Variants in MARCHF7 observed in about 807,000 individuals in gnomAD.
MARCHF7 encodes membrane associated ring-CH-type finger 7, also known as E3 ubiquitin-protein ligase MARCHF7.
MARCHF7 carries 20 observed loss-of-function variants against 76.5 expected under a neutral mutation model. The observed-to-expected ratio is 0.26, with a 90% CI of 0.18 to 0.38. MARCHF7 has a LOEUF of 0.38. Ranked by LOEUF, MARCHF7 falls within the 10% of genes least tolerant of loss-of-function variation. The probability of loss-of-function intolerance (pLI) is 1.00; values close to 1 mark genes in which losing one functional copy is unlikely to be tolerated. For synonymous variants in MARCHF7, 295 were observed against 293.0 expected, an observed-to-expected ratio of 1.01 and a Z score of -0.07; for missense variants, 797 against 812.9, an observed-to-expected ratio of 0.98 and a Z score of 0.24.
At chr2:159,763,093 G>A in intron 10 of MARCHF7, 100 bp downstream of exon 10, 1 of 574,356 alleles carries the variant, frequency 1.7e-6, no homozygotes, top group Non-Finnish European at 2.9e-6. Flanking sequence ...TTTCCTTTGG[G>A]AAGCTTTTAT....
At chr2:159,733,584 A>G (rs1703084766) in intron 4 of MARCHF7, 1 of 985,064 alleles carries the variant, frequency 1.0e-6, no homozygotes, top group African/African-American at 1.7e-5. Flanking sequence ...AGGCTTTTTA[A>G]CTCACAACTC....
chr2:159,722,841 A>G (rs913456663), intron 3 of MARCHF7, among the ~76,000 whole-genome samples: 13 of 152,164 alleles, frequency 8.5e-5, no homozygotes, highest in Non-Finnish European at 1.6e-4. Context: ...ACAATATCAA[A>G]TTATCTCTCT....
intron 9 of MARCHF7, among the ~76,000 whole-genome samples, chr2:159,759,767 A>T (rs1262644350): frequency 1.3e-5 from 2 of 152,138 alleles, no homozygotes; most frequent in African/African-American, 4.8e-5. Flanking sequence ...AAACAAACAA[A>T]GATATGCTGT....
At chr2:159,720,038 A>G (rs988859439) in intron 3 of MARCHF7, among the ~76,000 whole-genome samples, 3 of 151,866 alleles carry the variant, frequency 2.0e-5, no homozygotes, top group Non-Finnish European at 2.9e-5. Context: ...TCCCCCCTCC[A>G]GCCCCAAGAT....
chr2:159,763,782 G>T (rs570675717), intron 10 of MARCHF7, among the ~76,000 whole-genome samples: 9 of 152,240 alleles, frequency 5.9e-5, no homozygotes, highest in African/African-American at 2.2e-4. Context: ...GCAATTCAAT[G>T]TATGTAATAC....
At chr2:159,755,611 G>A (rs1170243183) in intron 8 of MARCHF7, among the ~76,000 whole-genome samples, 1 of 152,132 alleles carries the variant, frequency 6.6e-6, no homozygotes, top group East Asian at 1.9e-4. Flanking sequence ...AAAGTAAAGA[G>A]ATAGTTCAAA....
chr2:159,759,532 T>G (rs1706753410), intron 9 of MARCHF7, among the ~76,000 whole-genome samples, 197 bp downstream of exon 9: 1 of 152,118 alleles, frequency 6.6e-6, no homozygotes, highest in African/African-American at 2.4e-5. Flanking sequence ...TCCCTTAAGC[T>G]TAGGAAAGTT....
In MARCHF7 at chr2:159,745,762, A is replaced by T. The variant is rs200288589; in HGVS notation, c.347-8A>T. 2 of 1,584,534 alleles carry T rather than the reference A, an allele frequency of 1.3e-6. No individual in the cohort carries two copies. Among genetic ancestry groups the T allele is most frequent in the East Asian group, 2.3e-5 (1 of 44,136 alleles). On this transcript the variant is annotated splice_region_variant and splice_polypyrimidine_tract_variant and intron_variant, in intron 5 of 11. Coordinates refer to ENST00000409175, the MANE Select transcript of MARCHF7 (RefSeq NM_001282805.2). The stretch of plus-strand genomic sequence containing the variant: ...TCTCTGAAATAAAACTTCTTCATTT[A>T]TTTTAAGATTCATCTTGGAGGCATA...
Position 159,768,706 on chromosome 2 carries a change from T to G in MARCHF7, c.*1364T>G, listed in dbSNP as rs1308022091. ...AAATGTTCTAAAACATTTGCTCACC[T>G]CTTGCCAGTTACCTTTGCATTGTCT... On this transcript the variant is annotated 3_prime_UTR_variant, in exon 12 of 12. Transcript: ENST00000409175. The G allele has an allele frequency of 6.6e-6, 1 of 152,586 alleles. No individual in the cohort carries two copies. Among genetic ancestry groups the G allele is most frequent in the Non-Finnish European group, 1.5e-5 (1 of 68,022 alleles). The allele number at this position is 152,586 out of a possible 1,614,324, so 9.5% of individuals were successfully genotyped here.
chr2:159,764,718 G>A (rs1222296513), intron 11 of MARCHF7, 44 bp downstream of exon 11: 2 of 1,534,644 alleles, frequency 1.3e-6, no homozygotes, highest in African/African-American at 2.8e-5. Context: ...ATTTACTTTT[G>A]CAAATTAAAC....
Position 159,762,977 on chromosome 2 carries a change from C to G in MARCHF7, c.1991C>G (p.Pro664Arg). The G allele has an allele frequency of 1.9e-6, 3 of 1,610,818 alleles. No homozygotes were observed. Among genetic ancestry groups the G allele is most frequent in the Non-Finnish European group, 2.5e-6 (3 of 1,178,476 alleles). ...FSDMMGNTNE[P>R]STRVRFINLA... ...GATATGATGGGAAATACAAATGAACCAAGCACACGTGTCCGAGTAAGTAAT... is the reference window on the plus strand; with the variant it reads ...GATATGATGGGAAATACAAATGAACGAAGCACACGTGTCCGAGTAAGTAAT... The change falls in exon 10 of 12, where the codon CCA becomes CGA. Residue 664 changes from proline (P) to arginine (R), a missense_variant. Physicochemically the swap from Pro to Arg is moderately radical, Grantham distance 103. This residue lies in a region of MARCHF7 where 124 missense variants were observed against 121.3 expected (regional missense o/e 1.02). Transcript: ENST00000409175.
chr2:159,741,839 A>T (rs893296804), intron 4 of MARCHF7, among the ~76,000 whole-genome samples: 3 of 152,180 alleles, frequency 2.0e-5, no homozygotes, highest in Non-Finnish European at 2.9e-5. Flanking sequence ...TTTATTTTAG[A>T]GGTCCTTACT....
intron 1 of MARCHF7, among the ~76,000 whole-genome samples, chr2:159,713,031 C>G (rs914471206): frequency 2.0e-5 from 3 of 152,222 alleles, no homozygotes; most frequent in Non-Finnish European, 4.4e-5. Flanking sequence ...CGCGCGTGAG[C>G]TCGCCGGTGA....
intron 7 of MARCHF7, among the ~76,000 whole-genome samples, chr2:159,749,607 C>T (rs1018411733): frequency 1.2e-4 from 19 of 152,214 alleles, no homozygotes; most frequent in African/African-American, 4.1e-4. Flanking sequence ...CTCCACCTCT[C>T]AAAGTACTGG....
At chr2:159,748,978 C>CTTTTT (rs1244353725) in intron 7 of MARCHF7, 75 bp downstream of exon 7, 8 of 775,714 alleles carry the variant, frequency 1.0e-5, no homozygotes, top group Admixed American at 4.0e-5. Context: ...TTTTTCTTTT[C>CTTTTT]TTTTTTTTTT....
chr2:159,728,876 T>G (rs2125398054), intron 3 of MARCHF7, 133 bp from the exon 4 acceptor site: 1 of 486,172 alleles, frequency 2.1e-6, no homozygotes, highest in Non-Finnish European at 3.5e-6. Context: ...GGTGATCATT[T>G]CACAATTTAC....
At chr2:159,740,346 G>A (rs1278566834) in intron 4 of MARCHF7, among the ~76,000 whole-genome samples, 2 of 152,158 alleles carry the variant, frequency 1.3e-5, no homozygotes, top group Non-Finnish European at 2.9e-5. Context: ...AAGTTATGGA[G>A]TTTGTACAAA....
chr2:159,735,395 A>G (rs936159826), intron 4 of MARCHF7, among the ~76,000 whole-genome samples: 1 of 152,212 alleles, frequency 6.6e-6, no homozygotes, highest in Non-Finnish European at 1.5e-5. Context: ...TTCACATACC[A>G]TATAGTTTGC....
intron 3 of MARCHF7, among the ~76,000 whole-genome samples, chr2:159,723,221 C>T (rs765259038): frequency 1.3e-5 from 2 of 152,136 alleles, no homozygotes; most frequent in African/African-American, 2.4e-5. Flanking sequence ...TCAGAATTTA[C>T]CTCTTTTTAA....
Sources: allele counts gnomAD v4.1 joint callset (sites outside exome capture counted in the v4.1 genomes callset), GRCh38; gene constraint gnomAD v4.1.1; regional missense constraint gnomAD v4.1.1; transcripts MANE v1.5; gene names NCBI Gene and HGNC (gene_info 2026-07-23, HGNC 2026-07-21).